SH3PXD2A: variants seen among roughly 807,000 people sequenced by gnomAD.
SH3PXD2A encodes SH3 and PX domain-containing protein 2A.
In SH3PXD2A, 32 loss-of-function variants were observed where a neutral mutation model predicts 115.2. That is an observed-to-expected ratio of 0.28 (90% CI 0.21 to 0.37). The LOEUF (loss-of-function observed/expected upper bound fraction) is 0.37. Among genes scored for constraint, SH3PXD2A ranks in the 10% least tolerant of loss-of-function variants. The pLI is 1.00. For synonymous variants in SH3PXD2A, 610 were observed against 629.1 expected (o/e 0.97, Z 0.45); for missense variants, 1,328 against 1,498.7 (o/e 0.89, Z 1.88).
intron 5 of SH3PXD2A, among the ~76,000 whole-genome samples, chr10:103,694,138 G>C (rs1460524720): frequency 6.6e-6 from 1 of 152,240 alleles, no homozygotes; most frequent in Admixed American, 6.5e-5. Context: ...TCAGGGAACA[G>C]TGGAGGGGCT....
chr10:103,691,022 T>C (rs1224569771), intron 6 of SH3PXD2A, among the ~76,000 whole-genome samples: 1 of 152,166 alleles, frequency 6.6e-6, no homozygotes, highest in African/African-American at 2.4e-5. Flanking sequence ...GCAGCCTGGG[T>C]GTGGCCCTGC....
At chr10:103,700,235 A>T (rs2037876399) in intron 5 of SH3PXD2A, among the ~76,000 whole-genome samples, 1 of 152,250 alleles carries the variant, frequency 6.6e-6, no homozygotes, top group Non-Finnish European at 1.5e-5. Context: ...GCTTTGTGAT[A>T]TAAACAAGTG....
chr10:103,845,275 G>A (rs1842832712), intron 1 of SH3PXD2A, among the ~76,000 whole-genome samples: 1 of 143,250 alleles, frequency 7.0e-6, no homozygotes, highest in Non-Finnish European at 1.5e-5. Context: ...ACGTTGCAGT[G>A]AGCCAAGATT....
At chr10:103,817,786 CATT>C (rs898647930) in intron 1 of SH3PXD2A, among the ~76,000 whole-genome samples, 2 of 152,204 alleles carry the variant, frequency 1.3e-5, no homozygotes, top group African/African-American at 4.8e-5. Context: ...ATCTCGAAAA[CATT>C]ATGCTGAGTG....
chr10:103,737,389 T>C (rs2038392279), intron 3 of SH3PXD2A, among the ~76,000 whole-genome samples: 1 of 152,090 alleles, frequency 6.6e-6, no homozygotes, highest in African/African-American at 2.4e-5. Flanking sequence ...TCTGTCAAGG[T>C]CCGAGTGAAG....
intron 11 of SH3PXD2A, among the ~76,000 whole-genome samples, chr10:103,615,775 GC>G (rs2036509763): frequency 6.6e-6 from 1 of 152,024 alleles, no homozygotes; most frequent in Non-Finnish European, 1.5e-5. Context: ...TAATAAAGCA[GC>G]CTTGTAGATA....
chr10:103,779,213 C>G (rs557287376), intron 2 of SH3PXD2A, among the ~76,000 whole-genome samples: 1 of 152,336 alleles, frequency 6.6e-6, no homozygotes, highest in East Asian at 1.9e-4. Context: ...GGATTACAGG[C>G]ACCTGCCACC....
At position 103,658,483 on chromosome 10, in the gene SH3PXD2A, G is replaced by A. The variant is rs551544075; in HGVS notation, c.604+2500C>T. Among the ~76,000 whole-genome samples, 22 of 152,282 alleles carry A rather than the reference G, an allele frequency of 1.4e-4. No individual in the cohort carries two copies. The South Asian group carries it at 4.1e-3, about 29-fold the overall frequency. ...CACAAGACGCCTCCTCTCCCCCACCGTCAGGCCTCCAGCTTCCCTGAACTG... is the reference window on the plus strand; with the variant it reads ...CACAAGACGCCTCCTCTCCCCCACCATCAGGCCTCCAGCTTCCCTGAACTG... On this transcript the variant is annotated intron_variant, in intron 8 of 14. Coordinates refer to ENST00000369774, the MANE Select transcript of SH3PXD2A (RefSeq NM_001394015.1).
chr10:103,611,781 G>A (rs1055881562), intron 12 of SH3PXD2A, 151 bp from the exon 13 acceptor site: 4 of 686,200 alleles, frequency 5.8e-6, no homozygotes, highest in African/African-American at 5.3e-5. Context: ...AAGTCACTAT[G>A]GGCACTGTGG....
rs964188398 is a variant in SH3PXD2A, at chr10:103,601,505, T to G, written c.*311A>C. 1.3e-5 allele frequency: 3 copies of G among 237,880 alleles called. No homozygotes were observed. The highest frequency in any genetic ancestry group is 2.5e-5 in the Non-Finnish European group (3 of 122,208). The allele number at this position is 237,880 out of a possible 1,614,324, so 14.7% of individuals were successfully genotyped here. Reference sequence around the variant, plus strand: ...GGTCTCCCACATGGCCTGTCCCAGATGGCATGTAATCCATTGGTGAAGTCC... The same window carrying G: ...GGTCTCCCACATGGCCTGTCCCAGAGGGCATGTAATCCATTGGTGAAGTCC... On this transcript the variant is annotated 3_prime_UTR_variant, in exon 15 of 15. Transcript: ENST00000369774.
At chr10:103,667,680 C>T (rs542253737) in intron 7 of SH3PXD2A, among the ~76,000 whole-genome samples, 2 of 152,348 alleles carry the variant, frequency 1.3e-5, no homozygotes, top group East Asian at 3.9e-4. Context: ...TGGCCCAGCC[C>T]CACCACCCCA....
intron 3 of SH3PXD2A, among the ~76,000 whole-genome samples, chr10:103,755,614 GTGTGGAAGTACGA>G (rs1215501627): frequency 2.6e-5 from 4 of 152,146 alleles, no homozygotes; most frequent in African/African-American, 2.4e-5. Context: ...AAGTCCTCCA[GTGTGGAAGTACGA>G]TAGCTACCCA....
intron 1 of SH3PXD2A, among the ~76,000 whole-genome samples, chr10:103,845,687 A>G (rs1457725823): frequency 6.6e-6 from 1 of 152,150 alleles, no homozygotes; most frequent in African/African-American, 2.4e-5. Context: ...ACTTTACTCT[A>G]TGGACTTGCC....
chr10:103,663,600 C>T (rs1234951849), intron 7 of SH3PXD2A, among the ~76,000 whole-genome samples: 2 of 152,244 alleles, frequency 1.3e-5, no homozygotes, highest in Non-Finnish European at 2.9e-5. Context: ...GTCTGGGACT[C>T]AGGCATGAGT....
intron 8 of SH3PXD2A, among the ~76,000 whole-genome samples, chr10:103,637,173 C>T (rs745811942): frequency 2.0e-5 from 3 of 152,214 alleles, no homozygotes; most frequent in Non-Finnish European, 4.4e-5. Context: ...ATGGCACACG[C>T]GGGGTTCGAT....
rs1404109415 is a variant in SH3PXD2A at position 103,839,522 on chromosome 10, G to A, written c.72+15673C>T. 4.6e-5 allele frequency among the ~76,000 whole-genome samples: 7 copies of A among 152,154 alleles called. No homozygotes were observed. In the East Asian group the frequency reaches 1.4e-3, roughly 29 times the overall value. Reference sequence around the variant, plus strand: ...CCTGAGAGATGCTTTTATTATCAACGTTTTACAGATGAGAAAACCGAGGTG... The same window carrying A: ...CCTGAGAGATGCTTTTATTATCAACATTTTACAGATGAGAAAACCGAGGTG... On this transcript the variant is annotated intron_variant, in intron 1 of 14. Transcript: ENST00000369774.
chr10:103,605,681 T>TACCTTTCCTGC (rs2036289685), intron 14 of SH3PXD2A, 117 bp downstream of exon 14: 4 of 1,307,672 alleles, frequency 3.1e-6, no homozygotes, highest in Non-Finnish European at 4.3e-6. Context: ...CTCATTTCTG[T>TACCTTTCCTGC]ACCTTTCCTG....
chr10:103,756,453 AT>A lies in SH3PXD2A; in HGVS notation c.229+10640del, dbSNP rs2038641947. ...CGCCTCAGTGTTCCCCTCCACCACCATCACCCGCTGCTGCCACTCCCGAGCC... is the reference window on the plus strand; with the variant it reads ...CGCCTCAGTGTTCCCCTCCACCACCACACCCGCTGCTGCCACTCCCGAGCC... On this transcript the variant is annotated intron_variant, in intron 3 of 14. Transcript: ENST00000369774. This position sits in a 1 kb window ranked among gnomAD's most constrained non-coding sequence, Gnocchi z 4.4. 6.6e-6 allele frequency among the ~76,000 whole-genome samples: 1 copy of A among 151,998 alleles called. No individual in the cohort carries two copies. The highest frequency in any genetic ancestry group is 1.5e-5 in the Non-Finnish European group (1 of 67,984).
intron 1 of SH3PXD2A, among the ~76,000 whole-genome samples, chr10:103,814,423 G>C (rs1187773798): frequency 6.6e-6 from 1 of 152,214 alleles, no homozygotes; most frequent in Admixed American, 6.5e-5. Context: ...AAAATGTGAA[G>C]TTCAACTCCA....
Sources: gnomAD v4.1 joint callset for allele counts (sites outside exome capture counted in the v4.1 genomes callset) on GRCh38, gnomAD v4.1.1 for gene constraint, Gnocchi (gnomAD v3.1) non-coding constraint, MANE v1.5 for transcripts, NCBI Gene and HGNC (gene_info 2026-07-23, HGNC 2026-07-21) for gene names.